The following AMOT variants were observed in gnomAD, a reference collection of about 807,000 sequenced individuals.
AMOT encodes the protein angiomotin.
A neutral mutation model predicts 67.0 loss-of-function variants in AMOT; 11 were observed. The observed-to-expected ratio is 0.16, with a 90% CI of 0.10 to 0.27. AMOT has a LOEUF of 0.27. Ranked by LOEUF, AMOT falls within the 10% of genes least tolerant of loss-of-function variation. The probability of loss-of-function intolerance (pLI) is 1.00; values close to 1 mark genes in which losing one functional copy is unlikely to be tolerated. For synonymous variants in AMOT, 326 were observed against 321.4 expected (o/e 1.01, Z -0.15); for missense variants, 753 against 852.0 (o/e 0.88, Z 1.45).
chrX:112,789,520 G>A (rs755595002), intron 10 of AMOT, among the ~76,000 whole-genome samples: 9 of 110,285 alleles, frequency 8.2e-5, no homozygotes, highest in Admixed American at 4.9e-4. Context: ...CTAAAGAACC[G>A]AAGTGGGCTT....
chrX:112,813,275 C>T (rs2147811834), intron 5 of AMOT, among the ~76,000 whole-genome samples: 1 of 111,584 alleles, frequency 9.0e-6, no homozygotes, highest in East Asian at 2.8e-4. Context: ...TAGGGCCTTC[C>T]AGGAAAAGCC....
intron 5 of AMOT, among the ~76,000 whole-genome samples, chrX:112,814,159 C>G (rs757114723): frequency 2.7e-5 from 3 of 110,445 alleles, no homozygotes; most frequent in Non-Finnish European, 5.7e-5. Context: ...GTAATCCCAG[C>G]TACTCAGGAG....
intron 10 of AMOT, among the ~76,000 whole-genome samples, chrX:112,787,665 T>C (rs1302151572): frequency 1.8e-5 from 2 of 111,105 alleles, no homozygotes; most frequent in Non-Finnish European, 3.8e-5. Context: ...GTAACCAATA[T>C]CATAATTGAA....
In AMOT at chrX:112,778,243, T is replaced by C. The variant is rs1249774787; in HGVS notation, c.*324A>G. The C allele has an allele frequency of 7.2e-5, 11 of 153,516 alleles. No individual in the cohort carries two copies. The highest frequency in any genetic ancestry group is 1.1e-4 in the Non-Finnish European group (9 of 79,285). The allele number at this position is 153,516 out of a possible 1,213,427, so 12.7% of individuals were successfully genotyped here. On this transcript the variant is annotated 3_prime_UTR_variant, in exon 14 of 14. Coordinates refer to ENST00000371959, the MANE Select transcript of AMOT (RefSeq NM_001113490.2). The stretch of plus-strand genomic sequence containing the variant: ...CTTCAATAAAAAATGATCTAGAATA[T>C]GGAAAATTTAAACAAATTTAAGCAC...
Position 112,839,578 on chromosome X carries a change from A to G in AMOT, c.-289+874T>C, listed in dbSNP as rs1346792402. 3.6e-5 allele frequency among the ~76,000 whole-genome samples: 4 copies of G among 111,939 alleles called. No homozygotes were observed. The East Asian group carries it at 1.1e-3, about 31-fold the overall frequency. On this transcript the variant is annotated intron_variant, in intron 1 of 13. Coordinates refer to ENST00000371959, the MANE Select transcript of AMOT (RefSeq NM_001113490.2). ...AAAAGTTCGTTCTAAAACATACACT[A>G]GAGATTGAAAATGCTGTTTCTCACC...
chrX:112,839,631 TCTA>T (rs1935238214), intron 1 of AMOT, among the ~76,000 whole-genome samples: 1 of 111,655 alleles, frequency 9.0e-6, no homozygotes, highest in Admixed American at 9.5e-5. Flanking sequence ...CTCATTTAAT[TCTA>T]CTTAGTCCCT....
chrX:112,813,299 A>G (rs753644612), intron 5 of AMOT, among the ~76,000 whole-genome samples: 1 of 111,881 alleles, frequency 8.9e-6, no homozygotes, highest in South Asian at 3.8e-4. Flanking sequence ...ACAGAAGGAT[A>G]TATCCACTGG....
At chrX:112,825,813 A>G (rs755795486) in intron 2 of AMOT, among the ~76,000 whole-genome samples, 2 of 110,116 alleles carry the variant, frequency 1.8e-5, no homozygotes, top group East Asian at 2.9e-4. Context: ...ACTAGACACA[A>G]TAAGGGCTAC....
rs1932968266 is a variant in AMOT, at chrX:112,777,462, C to T, written c.*1105G>A. 8.9e-6 allele frequency: 1 copy of T among 112,297 alleles called. No individual in the cohort carries two copies. The highest frequency in any genetic ancestry group is 1.9e-5 in the Non-Finnish European group (1 of 53,310). The allele number at this position is 112,297 out of a possible 1,213,427, so 9.3% of individuals were successfully genotyped here. A position where few individuals can be genotyped will look rare whatever the true frequency, so the allele number is the denominator to read the frequency against. ...CTGCAGCATAGTACTTTGGGTTTCT[C>T]AAGCTATTCCCTTGGAGGTGATAGT... On this transcript the variant is annotated 3_prime_UTR_variant, in exon 14 of 14. Coordinates refer to ENST00000371959, the MANE Select transcript of AMOT (RefSeq NM_001113490.2).
intron 4 of AMOT, among the ~76,000 whole-genome samples, chrX:112,820,759 C>T (rs1050543401): frequency 2.6e-4 from 29 of 111,297 alleles, no homozygotes; most frequent in African/African-American, 8.8e-4. Flanking sequence ...CAGTCTTGAA[C>T]AGACCAACCC....
chrX:112,815,330 C>T (rs1265532178), intron 5 of AMOT, 28 bp downstream of exon 5: 1 of 1,181,628 alleles, frequency 8.5e-7, no homozygotes, highest in East Asian at 3.0e-5. Flanking sequence ...GACTTAGAGA[C>T]CCTAATATCC....
chrX:112,783,294 CAA>C (rs377256668), intron 10 of AMOT, among the ~76,000 whole-genome samples: 15 of 49,757 alleles, frequency 3.0e-4, no homozygotes, highest in Admixed American at 2.5e-4. Flanking sequence ...GACTCTGTCT[CAA>C]AAAAAAAAAA....
intron 3 of AMOT, among the ~76,000 whole-genome samples, chrX:112,824,210 T>C (rs1934784757): frequency 8.9e-6 from 1 of 112,412 alleles, no homozygotes; most frequent in African/African-American, 3.2e-5. Context: ...CAGCACTGTA[T>C]AGTACACACT....
intron 8 of AMOT, among the ~76,000 whole-genome samples, chrX:112,798,964 C>A (rs1933926542): frequency 8.9e-6 from 1 of 111,907 alleles, no homozygotes; most frequent in African/African-American, 3.3e-5. Context: ...GATGGCATCT[C>A]TTCCCTCCTT....
chrX:112,836,894 G>T (rs1416175707), intron 1 of AMOT, among the ~76,000 whole-genome samples: 1 of 32,732 alleles, frequency 3.1e-5, no homozygotes, highest in Non-Finnish European at 7.7e-5. Flanking sequence ...AATTTACAGT[G>T]GAAAAAAAAA....
chrX:112,801,160 C>T lies in AMOT; in HGVS notation c.1776+3787G>A, dbSNP rs189725943. 5.4e-5 allele frequency among the ~76,000 whole-genome samples: 6 copies of T among 111,719 alleles called. No individual in the cohort carries two copies. In the East Asian group the frequency reaches 1.7e-3, roughly 31 times the overall value. On this transcript the variant is annotated intron_variant, in intron 8 of 13. Coordinates refer to ENST00000371959, the MANE Select transcript of AMOT (RefSeq NM_001113490.2). ...CAGCCAGCCAGAAGCCTGGGCTGCC[C>T]TGAGCCTTGTGAGAGGATATGCCAG...
intron 1 of AMOT, 34 bp from the exon 2 acceptor site, chrX:112,832,404 C>T (rs919082155): frequency 9.0e-6 from 1 of 111,577 alleles, no homozygotes; most frequent in Non-Finnish European, 1.9e-5. Flanking sequence ...TGATTAATTC[C>T]ATTTTAGAAC....
intron 2 of AMOT, among the ~76,000 whole-genome samples, chrX:112,831,635 G>T (rs1322015497): frequency 9.1e-6 from 1 of 109,940 alleles, no homozygotes; most frequent in African/African-American, 3.3e-5. Context: ...CCCAAGAGGA[G>T]GAAAATATCA....
At chrX:112,826,940 C>T (rs958209973) in intron 2 of AMOT, among the ~76,000 whole-genome samples, 2 of 111,753 alleles carry the variant, frequency 1.8e-5, no homozygotes, top group South Asian at 7.6e-4. Context: ...TCACTGCAAC[C>T]TCTGCCTCCC....
Sources: allele counts gnomAD v4.1 joint callset (sites outside exome capture counted in the v4.1 genomes callset), GRCh38; gene constraint gnomAD v4.1.1; transcripts MANE v1.5; gene names NCBI Gene and HGNC (gene_info 2026-07-23, HGNC 2026-07-21).